FHIP1B: variants seen among roughly 807,000 people sequenced by gnomAD.
FHIP1B encodes FHF complex subunit HOOK-interacting protein 1B.
Under a neutral mutation model 82.2 loss-of-function variants are expected in FHIP1B, and 28 were observed. That is an observed-to-expected ratio of 0.34 (90% CI 0.25 to 0.47). FHIP1B has a LOEUF of 0.47. Among genes scored for constraint, FHIP1B ranks in the 20% least tolerant of loss-of-function variants. FHIP1B has a pLI of 1.00. For missense variants in FHIP1B, 1,110 were observed against 1,262.6 expected (o/e 0.88, Z 1.83); for synonymous variants, 585 against 516.1 (o/e 1.13, Z -1.81).
Position 6,222,905 on chromosome 11 carries a change from A to G in FHIP1B, c.937-8T>C, listed in dbSNP as rs1171766609. The G allele has an allele frequency of 1.2e-6, 2 of 1,613,654 alleles. No individual in the cohort carries two copies. Among genetic ancestry groups the G allele is most frequent in the Non-Finnish European group, 1.7e-6 (2 of 1,179,680 alleles). On this transcript the variant is annotated splice_polypyrimidine_tract_variant and splice_region_variant and intron_variant, in intron 4 of 11. Transcript: ENST00000449352. ...CACCAGGGGGTGAGCCACCTGTAGG[A>G]GTGCCAGAGAGAAGGGGGAGGGTTA...
Position 6,217,842 on chromosome 11 carries a change from A to T in FHIP1B, c.1744T>A (p.Ser582Thr). ...GAGCCAAAAGGACTGGGCTCAGGAG[A>T]GGGCCGCTCGCCATCATAGGGGGCA... The part of the protein sequence containing the change: ...WSAPYDGERP[S>T]PEPSPFGSRT... Residue 582 changes from serine (S) to threonine (T), a missense_variant, in exon 9 of 12, where the codon TCT (serine) becomes ACT (threonine). Ser to Thr is a moderately conservative substitution (Grantham distance 58). This residue lies in a region of FHIP1B where 418 missense variants were observed against 371.4 expected (regional missense o/e 1.13). Transcript: ENST00000449352. 6.2e-7 allele frequency: 1 copy of T among 1,613,738 alleles called. No homozygotes were observed. The highest frequency in any genetic ancestry group is 8.5e-7 in the Non-Finnish European group (1 of 1,179,966).
intron 9 of FHIP1B, 67 bp from the exon 10 acceptor site, chr11:6,214,978 T>C: frequency 7.2e-7 from 1 of 1,398,538 alleles, no homozygotes. Flanking sequence ...CACGCATTCC[T>C]CCCCAAAACA....
intron 6 of FHIP1B, among the ~76,000 whole-genome samples, chr11:6,220,168 T>C (rs905761700): frequency 6.6e-6 from 1 of 152,124 alleles, no homozygotes; most frequent in African/African-American, 2.4e-5. Context: ...TAGAGATCCA[T>C]AGATATCTAT....
Position 6,228,497 on chromosome 11 carries a change from A to G in FHIP1B, c.-191-3790T>C, listed in dbSNP as rs1288687973. ...GAAGAAAGTGACAAGTTATAAATAA[A>G]TAAGATAGAGATAAATGGCATTAAA... On this transcript the variant is annotated intron_variant, in intron 1 of 11. Transcript: ENST00000449352. Among the ~76,000 whole-genome samples, 7 of 152,218 alleles carry G rather than the reference A, an allele frequency of 4.6e-5. 1 individual carries two copies. The South Asian group carries it at 8.3e-4, about 18-fold the overall frequency.
intron 1 of FHIP1B, among the ~76,000 whole-genome samples, chr11:6,229,908 AG>A (rs574024977): frequency 6.0e-4 from 91 of 152,080 alleles, no homozygotes; most frequent in Admixed American, 1.4e-3. Flanking sequence ...TGCAATGTTC[AG>A]AACAAGACAA....
chr11:6,224,458 G>C lies in FHIP1B; in HGVS notation c.59C>G (p.Pro20Arg). The C allele has an allele frequency of 6.2e-7, 1 of 1,614,006 alleles. No individual in the cohort carries two copies. Among genetic ancestry groups the C allele is most frequent in the African/African-American group, 1.3e-5 (1 of 74,994 alleles). The change falls in exon 2 of 12, where the codon CCT (proline) becomes CGT (arginine). Residue 20 changes from proline (P) to arginine (R), a missense_variant. Physicochemically the swap from Pro to Arg is moderately radical, Grantham distance 103. Around this residue, in one of 6 missense-constraint regions of FHIP1B, gnomAD observed 467 missense variants for 602.9 expected, o/e 0.77. Transcript: ENST00000449352. ...LASRGPGHRI[P>R]QGANLQTPVM... ...TGGGGTTTGGAGATTGGCCCCTTGA[G>C]GTATACGGTGCCCAGGGCCCCGGGA...
At chr11:6,214,939 G>T in intron 9 of FHIP1B, 28 bp from the exon 10 acceptor site, 1 of 1,525,978 alleles carries the variant, frequency 6.6e-7, no homozygotes, top group Non-Finnish European at 8.8e-7. Context: ...TGGGCACAAG[G>T]ATACAAAGCC....
In FHIP1B at chr11:6,223,334, A is replaced by G; in HGVS notation, c.778-96T>C. 1.5e-6 allele frequency: 2 copies of G among 1,306,946 alleles called. No homozygotes were observed. The highest frequency in any genetic ancestry group is 2.1e-6 in the Non-Finnish European group (2 of 948,466). The allele number at this position is 1,306,946 out of a possible 1,614,324, so 81.0% of individuals were successfully genotyped here. ...AGTAATCCAGAGTTTTGATGGGAATAGGGGTATAAGCTATTACCAAAGCAA... is the reference window on the plus strand; with the variant it reads ...AGTAATCCAGAGTTTTGATGGGAATGGGGGTATAAGCTATTACCAAAGCAA... On this transcript the variant is annotated intron_variant, in intron 3 of 11. Coordinates refer to ENST00000449352, the MANE Select transcript of FHIP1B (RefSeq NM_001098794.2). The surrounding 1 kb of genome is among the most constrained non-coding windows in gnomAD (Gnocchi z 4.8).
At chr11:6,215,052 G>A (rs1184521741) in intron 9 of FHIP1B, 141 bp from the exon 10 acceptor site, 2 of 776,014 alleles carry the variant, frequency 2.6e-6, no homozygotes, top group Admixed American at 3.8e-5. Context: ...AATATCCCGT[G>A]GCCACCTATT....
chr11:6,211,912 C>A (rs891905339), intron 11 of FHIP1B, 45 bp from the exon 12 acceptor site: 94 of 1,511,266 alleles, frequency 6.2e-5, no homozygotes, highest in Non-Finnish European at 7.8e-5. Context: ...GATCAGGGAA[C>A]CTCCCTTGGA....
At position 6,214,546 on chromosome 11, in the gene FHIP1B, C is replaced by CAGA. The variant is rs761543473; in HGVS notation, c.2421_2422insTCT (p.Ile807_Glu808insSer). 6.2e-7 allele frequency: 1 copy of CAGA among 1,613,744 alleles called. No individual in the cohort carries two copies. Among genetic ancestry groups the CAGA allele is most frequent in the Non-Finnish European group, 8.5e-7 (1 of 1,179,732 alleles). ...TCCTCCTGGGAAGCCGCAAAGTTCTCAATCTTATTCTTCACAGAGCCCAGC... is the reference window on the plus strand; with the variant it reads ...TCCTCCTGGGAAGCCGCAAAGTTCTCAGAAATCTTATTCTTCACAGAGCCCAGC... On this transcript the variant is annotated inframe_insertion, in exon 11 of 12. Transcript: ENST00000449352.
At chr11:6,225,651 T>A (rs532387654) in intron 1 of FHIP1B, among the ~76,000 whole-genome samples, 15 of 152,326 alleles carry the variant, frequency 9.8e-5, no homozygotes, top group Admixed American at 2.6e-4. Context: ...AATGAATGAA[T>A]GAATGAACAA....
chr11:6,218,343 G>A (rs1367114414), intron 8 of FHIP1B, among the ~76,000 whole-genome samples, 193 bp from the exon 9 acceptor site: 10 of 152,056 alleles, frequency 6.6e-5, no homozygotes, highest in African/African-American at 2.2e-4. Flanking sequence ...CACCACTGAA[G>A]ACACAATGGA....
intron 1 of FHIP1B, among the ~76,000 whole-genome samples, chr11:6,233,427 A>G (rs1168815919): frequency 6.6e-6 from 1 of 152,194 alleles, no homozygotes; most frequent in Non-Finnish European, 1.5e-5. Flanking sequence ...TGGGGAGAAG[A>G]GGACCTAAAA....
rs948830987 is a variant in FHIP1B, at chr11:6,218,733, C to G, written c.1302G>C (p.Leu434=). The part of the protein sequence containing the change: ...RYLVPCNHVM[L]SQKPAVRDVD... ...CATCACGAACAGCCGGCTTCTGGCTCAGCATAACGTGGTTACATGGAACAA... is the reference window on the plus strand; with the variant it reads ...CATCACGAACAGCCGGCTTCTGGCTGAGCATAACGTGGTTACATGGAACAA... The change falls in exon 8 of 12, where the codon CTG becomes CTC. Residue 434 remains leucine, a synonymous_variant. Coordinates refer to ENST00000449352, the MANE Select transcript of FHIP1B (RefSeq NM_001098794.2). 1 of 1,614,114 alleles carries G rather than the reference C, an allele frequency of 6.2e-7. No homozygotes were observed. Among genetic ancestry groups the G allele is most frequent in the Non-Finnish European group, 8.5e-7 (1 of 1,180,028 alleles).
At chr11:6,228,789 A>G (rs1459827497) in intron 1 of FHIP1B, among the ~76,000 whole-genome samples, 1 of 151,886 alleles carries the variant, frequency 6.6e-6, no homozygotes, top group Non-Finnish European at 1.5e-5. Flanking sequence ...TAAATCATTA[A>G]CGCAGCAACA....
Position 6,223,010 on chromosome 11 carries a change from A to T in FHIP1B, c.936+70T>A. The stretch of plus-strand genomic sequence containing the variant: ...TACTTCCAAGATGGAAAAATGACAG[A>T]ACTCCAGGGAATATACCCCCTCCTA... On this transcript the variant is annotated intron_variant, in intron 4 of 11. Transcript: ENST00000449352. The surrounding 1 kb of genome is among the most constrained non-coding windows in gnomAD (Gnocchi z 4.8). 1 of 1,579,446 alleles carries T rather than the reference A, an allele frequency of 6.3e-7. No homozygotes were observed. Among genetic ancestry groups the T allele is most frequent in the Non-Finnish European group, 8.6e-7 (1 of 1,156,898 alleles).
At chr11:6,226,848 T>C (rs1236492098) in intron 1 of FHIP1B, among the ~76,000 whole-genome samples, 1 of 152,170 alleles carries the variant, frequency 6.6e-6, no homozygotes, top group Non-Finnish European at 1.5e-5. Context: ...CCTTCAAAAA[T>C]ACATCAGGTA....
At chr11:6,217,121 A>G (rs1847250580) in intron 9 of FHIP1B, 1 of 703,356 alleles carries the variant, frequency 1.4e-6, no homozygotes, top group Non-Finnish European at 2.6e-6. Context: ...AGGAACATGC[A>G]CATAGGACAT....
Sources: allele counts gnomAD v4.1 joint callset (sites outside exome capture counted in the v4.1 genomes callset), GRCh38; gene constraint gnomAD v4.1.1; regional missense constraint gnomAD v4.1.1; non-coding constraint Gnocchi (gnomAD v3.1); transcripts MANE v1.5; gene names NCBI Gene and HGNC (gene_info 2026-07-23, HGNC 2026-07-21).